DOCK1: variants seen among roughly 807,000 people sequenced by gnomAD.
DOCK1 encodes the protein dedicator of cytokinesis protein 1.
In DOCK1, 138 loss-of-function variants were observed where a neutral mutation model predicts 262.7. The ratio of observed to expected loss-of-function variants is 0.53; its 90% CI spans 0.46 to 0.61. DOCK1 has a LOEUF of 0.61. Among genes scored for constraint, DOCK1 ranks in the 20% least tolerant of loss-of-function variants. DOCK1 has a pLI of 0.00. For synonymous variants in DOCK1, 866 were observed against 867.4 expected (o/e 1.00, Z 0.03); for missense variants, 1,908 against 2,370.7 (o/e 0.80, Z 4.05).
intron 22 of DOCK1, among the ~76,000 whole-genome samples, chr10:127,054,144 G>T (rs1310234665): frequency 6.6e-6 from 1 of 152,192 alleles, no homozygotes; most frequent in Non-Finnish European, 1.5e-5. Flanking sequence ...TTTGTCTGAA[G>T]CAGTCGTGTC....
intron 29 of DOCK1, among the ~76,000 whole-genome samples, chr10:127,260,923 G>GT (rs1349884014): frequency 1.4e-5 from 2 of 147,512 alleles, no homozygotes; most frequent in Non-Finnish European, 3.0e-5. Flanking sequence ...GTGTGTGCAT[G>GT]TGGGTGTGTG....
Position 127,451,661 on chromosome 10 carries a change from T to C in DOCK1, c.*234T>C, listed in dbSNP as rs10765104. The C allele has an allele frequency of 0.5, 454,330 of 914,936 alleles. 116,501 individuals are homozygous for C. The highest frequency in any genetic ancestry group is 0.55 in the Middle Eastern group (1,908 of 3,500). The allele number at this position is 914,936 out of a possible 1,614,324, so 56.7% of individuals were successfully genotyped here. Reference sequence around the variant, plus strand: ...GGTCCGGGATGTGCTATCGTAGTTATCAGAGTTGGGGGCCTCTGAGTGTGT... The same window carrying C: ...GGTCCGGGATGTGCTATCGTAGTTACCAGAGTTGGGGGCCTCTGAGTGTGT... On this transcript the variant is annotated 3_prime_UTR_variant, in exon 52 of 52. Coordinates refer to ENST00000623213, the MANE Select transcript of DOCK1 (RefSeq NM_001290223.2).
At chr10:127,026,313 T>C (rs1350403421) in intron 15 of DOCK1, 39 bp from the exon 16 acceptor site, 3 of 1,535,960 alleles carry the variant, frequency 2.0e-6, no homozygotes, top group Non-Finnish European at 2.6e-6. Flanking sequence ...CTGGATGATA[T>C]TGATAACAGT....
chr10:127,226,425 C>T (rs1000681434), intron 27 of DOCK1, among the ~76,000 whole-genome samples: 3 of 152,102 alleles, frequency 2.0e-5, no homozygotes, highest in Non-Finnish European at 4.4e-5. Context: ...CCTCACTTTC[C>T]ACCTCTCTGC....
intron 47 of DOCK1, among the ~76,000 whole-genome samples, chr10:127,429,829 C>G (rs764149812): frequency 6.7e-6 from 1 of 149,512 alleles, no homozygotes; most frequent in Non-Finnish European, 1.5e-5. Flanking sequence ...GCGCCACGTT[C>G]GGCATTGGCC....
At chr10:127,082,415 C>A (rs1457199751) in intron 23 of DOCK1, among the ~76,000 whole-genome samples, 1 of 152,104 alleles carries the variant, frequency 6.6e-6, no homozygotes, top group Non-Finnish European at 1.5e-5. Flanking sequence ...GGAGGCCTCA[C>A]AATCATGGCG....
chr10:127,271,945 TA>T (rs2060584354), intron 29 of DOCK1: 1 of 152,218 alleles, frequency 6.6e-6, no homozygotes, highest in Non-Finnish European at 1.5e-5. Context: ...GCTAATTCCT[TA>T]ATTGAATGTT....
At chr10:127,330,314 G>A (rs2062920245) in intron 29 of DOCK1, among the ~76,000 whole-genome samples, 1 of 152,042 alleles carries the variant, frequency 6.6e-6, no homozygotes, top group Non-Finnish European at 1.5e-5. Flanking sequence ...AGTGTAGTGG[G>A]GAAATGGCTG....
At chr10:127,107,860 G>A (rs2136229825) in intron 24 of DOCK1, among the ~76,000 whole-genome samples, 1 of 152,352 alleles carries the variant, frequency 6.6e-6, no homozygotes, top group South Asian at 2.1e-4. Context: ...GTCTCATGGT[G>A]CACACAGATC....
At chr10:127,237,183 A>G (rs558629180) in intron 27 of DOCK1, among the ~76,000 whole-genome samples, 3 of 152,070 alleles carry the variant, frequency 2.0e-5, no homozygotes, top group African/African-American at 4.8e-5. Context: ...ACATGGGGAA[A>G]CCCTGTCTCT....
intron 14 of DOCK1, among the ~76,000 whole-genome samples, chr10:127,023,947 A>G (rs2042635547): frequency 6.6e-6 from 1 of 152,242 alleles, no homozygotes; most frequent in Middle Eastern, 3.2e-3. Flanking sequence ...GCACCTGCTC[A>G]TGACAGCCAG....
chr10:126,937,231 A>G lies in DOCK1; in HGVS notation c.46+31668A>G, dbSNP rs1190892161. Among the ~76,000 whole-genome samples, 4 of 152,184 alleles carry G rather than the reference A, an allele frequency of 2.6e-5. No homozygotes were observed. In the East Asian group the frequency reaches 5.8e-4, roughly 22 times the overall value. The stretch of plus-strand genomic sequence containing the variant: ...ATATGCCAGTTTTGCTTATCCATCC[A>G]TTGCCAACGGATACTTGGGTTGTCT... On this transcript the variant is annotated intron_variant, in intron 1 of 51. Transcript: ENST00000623213.
At chr10:127,124,643 A>G (rs772495207) in intron 25 of DOCK1, among the ~76,000 whole-genome samples, 4 of 152,192 alleles carry the variant, frequency 2.6e-5, no homozygotes, top group African/African-American at 4.8e-5. Flanking sequence ...TTTTATAGCC[A>G]TGCGTCCCAG....
At chr10:127,152,893 CTCTG>C (rs1317543529) in intron 27 of DOCK1, among the ~76,000 whole-genome samples, 1 of 152,156 alleles carries the variant, frequency 6.6e-6, no homozygotes, top group Non-Finnish European at 1.5e-5. Flanking sequence ...ATCTGGGATG[CTCTG>C]TCTGGATCGG....
Position 127,329,512 on chromosome 10 carries a change from TG to T in DOCK1, c.3045-9490del, listed in dbSNP as rs1471382102. Among the ~76,000 whole-genome samples, 4 of 127,304 alleles carry T rather than the reference TG, an allele frequency of 3.1e-5. No homozygotes were observed. The Admixed American group carries it at 3.2e-4, about 10-fold the overall frequency. The allele number at this position is 127,304 out of a possible 152,430, so 83.5% of individuals were successfully genotyped here. A position where few individuals can be genotyped will look rare whatever the true frequency, so the allele number is the denominator to read the frequency against. Reference sequence around the variant, plus strand: ...AGAGGTCTCTGGGGTGAGCAGACACTGGGGTGCTGGGGCGAGCAGACACTGG... The same window carrying T: ...AGAGGTCTCTGGGGTGAGCAGACACTGGGTGCTGGGGCGAGCAGACACTGG... On this transcript the variant is annotated intron_variant, in intron 29 of 51. Transcript: ENST00000623213.
intron 11 of DOCK1, among the ~76,000 whole-genome samples, chr10:127,011,997 C>T (rs2041490876): frequency 6.6e-6 from 1 of 152,070 alleles, no homozygotes; most frequent in Non-Finnish European, 1.5e-5. Flanking sequence ...CACGTTTATT[C>T]CTGGGGAGAG....
chr10:127,037,238 G>A (rs944051852), intron 18 of DOCK1, among the ~76,000 whole-genome samples: 3 of 152,204 alleles, frequency 2.0e-5, no homozygotes, highest in Non-Finnish European at 4.4e-5. Context: ...CAGAGCTACT[G>A]TAGCTGTGGG....
chr10:127,022,022 G>C (rs906560467), intron 13 of DOCK1, among the ~76,000 whole-genome samples: 3 of 152,138 alleles, frequency 2.0e-5, no homozygotes, highest in African/African-American at 7.2e-5. Flanking sequence ...TGGGAACGAG[G>C]CTTCCTCTAA....
At chr10:127,161,341 C>G (rs2053577967) in intron 27 of DOCK1, among the ~76,000 whole-genome samples, 1 of 152,172 alleles carries the variant, frequency 6.6e-6, no homozygotes, top group South Asian at 2.1e-4. Context: ...CTTCATTAGT[C>G]AAAGGCGGTA....
Sources: gnomAD v4.1 joint callset for allele counts (sites outside exome capture counted in the v4.1 genomes callset) on GRCh38, gnomAD v4.1.1 for gene constraint, MANE v1.5 for transcripts, NCBI Gene and HGNC (gene_info 2026-07-23, HGNC 2026-07-21) for gene names.